The following STXBP3 variants were observed in gnomAD, a reference collection of about 807,000 sequenced individuals.
STXBP3 encodes the protein syntaxin binding protein 3, also known as syntaxin-binding protein 3.
STXBP3 carries 41 observed loss-of-function variants against 85.7 expected under a neutral mutation model. The ratio of observed to expected loss-of-function variants is 0.48; its 90% confidence interval spans 0.37 to 0.62. The LOEUF (loss-of-function observed/expected upper bound fraction) is 0.62. STXBP3 is among the 20% of genes least tolerant of loss of function. The pLI is 0.00. For synonymous variants in STXBP3, 229 were observed against 231.7 expected (o/e 0.99, Z 0.10); for missense variants, 563 against 703.1 (o/e 0.80, Z 2.25).
At position 108,808,771 on chromosome 1, in the gene STXBP3, T is replaced by C; in HGVS notation, c.1685-12T>C. 6.2e-7 allele frequency: 1 copy of C among 1,606,226 alleles called. No individual in the cohort carries two copies. Among genetic ancestry groups the C allele is most frequent in the Non-Finnish European group, 8.5e-7 (1 of 1,174,866 alleles). On this transcript the variant is annotated splice_polypyrimidine_tract_variant and intron_variant, in intron 18 of 18. Coordinates refer to ENST00000370008, the MANE Select transcript of STXBP3 (RefSeq NM_007269.4). ...CTGCTGGCCTCTGAAAAATTCTCTT[T>C]TCTCCTACCAGGTTCTACACATGTT...
chr1:108,807,766 AG>A (rs1663374201), intron 18 of STXBP3, among the ~76,000 whole-genome samples: 1 of 151,936 alleles, frequency 6.6e-6, no homozygotes, highest in African/African-American at 2.4e-5. Flanking sequence ...TAGTAGAGAC[AG>A]GGTTTCACCA....
intron 17 of STXBP3, among the ~76,000 whole-genome samples, chr1:108,805,284 G>C (rs61797351): frequency 0.044 from 6,745 of 152,122 alleles, 209 homozygotes; most frequent in Admixed American, 0.069. Flanking sequence ...GAACAAGAGT[G>C]GGTCTTGTTC....
chr1:108,780,321 G>A (rs980837635), intron 9 of STXBP3: 1 of 151,830 alleles, frequency 6.6e-6, no homozygotes, highest in Non-Finnish European at 1.5e-5. Context: ...AGATAACATA[G>A]CTATTTTTCT....
intron 11 of STXBP3, among the ~76,000 whole-genome samples, chr1:108,793,117 C>T (rs1663011477): frequency 7.0e-6 from 1 of 143,736 alleles, no homozygotes; most frequent in Admixed American, 7.3e-5. Context: ...TAGCACTCTG[C>T]TTCCCAAAAT....
chr1:108,793,770 C>A, intron 12 of STXBP3, 123 bp downstream of exon 12: 1 of 714,868 alleles, frequency 1.4e-6, no homozygotes. Flanking sequence ...TCCTCTAAAA[C>A]CTTACTATAG....
Position 108,781,587 on chromosome 1 carries a change from C to G in STXBP3, c.810-835C>G, listed in dbSNP as rs550078462. The G allele has an allele frequency of 4.6e-5, 7 of 152,112 alleles. No homozygotes were observed. The East Asian group carries it at 1.4e-3, about 29-fold the overall frequency. 9.4% of individuals were successfully genotyped at this position (152,112 alleles called of 1,614,324 possible). Reference sequence around the variant, plus strand: ...TTTTAATCTCATTTTCTTTCTCATTCTGTAAAGGAGATGTGGTTATAGGGT... The same window carrying G: ...TTTTAATCTCATTTTCTTTCTCATTGTGTAAAGGAGATGTGGTTATAGGGT... On this transcript the variant is annotated intron_variant, in intron 9 of 18. Coordinates refer to ENST00000370008, the MANE Select transcript of STXBP3 (RefSeq NM_007269.4).
rs982972447 is a variant in STXBP3 at position 108,746,730 on chromosome 1, T to G, written c.-8T>G. ...AGGTGGTGGCTGCTGCTCCGCAGTG[T>G]CGGGAAGATGGCGCCGCCGGTGGCA... On this transcript the variant is annotated 5_prime_UTR_variant, in exon 1 of 19. Transcript: ENST00000370008. 6.5e-7 allele frequency: 1 copy of G among 1,549,086 alleles called. No individual in the cohort carries two copies. Among genetic ancestry groups the G allele is most frequent in the Non-Finnish European group, 8.7e-7 (1 of 1,145,960 alleles).
intron 6 of STXBP3, among the ~76,000 whole-genome samples, chr1:108,766,165 C>CT (rs1166709005): frequency 2.7e-5 from 4 of 150,902 alleles, no homozygotes; most frequent in Non-Finnish European, 5.9e-5. Flanking sequence ...ATTTTAATAG[C>CT]TTTTTTTTAA....
chr1:108,746,910 C>G (rs1017259013), intron 1 of STXBP3, 124 bp downstream of exon 1: 4 of 955,526 alleles, frequency 4.2e-6, no homozygotes, highest in African/African-American at 1.7e-5. Context: ...TGCTTTGGGA[C>G]CTGTGTGAGG....
rs1274580181 is a variant in STXBP3, at chr1:108,756,703, T to C, written c.195T>C (p.Ile65=). Residue 65 remains isoleucine, a synonymous_variant, in exon 4 of 19, where the codon ATT becomes ATC. Transcript: ENST00000370008. ...TTTTCTTGTTAGTTGTAGAGAATAT[T>C]TATAAGAACCGTGAACCTGTCAGAC... ...LEEGITVVEN[I]YKNREPVRQM... 3.2e-6 allele frequency: 5 copies of C among 1,577,190 alleles called. No homozygotes were observed. The highest frequency in any genetic ancestry group is 4.3e-6 in the Non-Finnish European group (5 of 1,160,214).
At chr1:108,760,153 A>T (rs1662106665) in intron 6 of STXBP3, 68 bp downstream of exon 6, 4 of 848,194 alleles carry the variant, frequency 4.7e-6, no homozygotes, top group Admixed American at 5.7e-5. Flanking sequence ...TATTGTTAAT[A>T]AAGTATATTC....
At chr1:108,760,172 T>A (rs951506721) in intron 6 of STXBP3, 87 bp downstream of exon 6, 2 of 708,910 alleles carry the variant, frequency 2.8e-6, no homozygotes, top group South Asian at 4.6e-5. Flanking sequence ...TCTGAAGATA[T>A]TTTTTATATG....
intron 7 of STXBP3, among the ~76,000 whole-genome samples, chr1:108,773,865 T>C (rs992602649): frequency 2.6e-5 from 4 of 151,946 alleles, no homozygotes; most frequent in African/African-American, 9.7e-5. Context: ...TATATCGAGA[T>C]GACGAACAAA....
intron 6 of STXBP3, chr1:108,767,522 A>C: frequency 5.6e-6 from 1 of 178,058 alleles, no homozygotes. Context: ...TGCTTGTCAC[A>C]CCTGTGTTGA....
At chr1:108,769,812 A>G (rs1419527521) in intron 6 of STXBP3, among the ~76,000 whole-genome samples, 3 of 152,222 alleles carry the variant, frequency 2.0e-5, no homozygotes, top group Non-Finnish European at 4.4e-5. Context: ...CATTACTACA[A>G]CAAAGGTTTA....
intron 2 of STXBP3, 77 bp from the exon 3 acceptor site, chr1:108,752,986 T>G: frequency 8.8e-7 from 1 of 1,142,428 alleles, no homozygotes; most frequent in Non-Finnish European, 1.2e-6. Flanking sequence ...GCTTATAAAG[T>G]TTAATGGATA....
chr1:108,797,404 T>C (rs1570772889), intron 15 of STXBP3, among the ~76,000 whole-genome samples: 1 of 147,284 alleles, frequency 6.8e-6, no homozygotes, highest in Admixed American at 6.8e-5. Flanking sequence ...AGAATCTCAC[T>C]CTTTCCCATC....
At chr1:108,793,855 A>G (rs973992180) in intron 12 of STXBP3, among the ~76,000 whole-genome samples, 17 of 151,558 alleles carry the variant, frequency 1.1e-4, no homozygotes, top group Non-Finnish European at 2.1e-4. Context: ...ATCTGAATCC[A>G]GCTTAAAGTT....
intron 17 of STXBP3, among the ~76,000 whole-genome samples, chr1:108,805,889 T>C (rs1194437466): frequency 6.6e-6 from 1 of 152,114 alleles, no homozygotes; most frequent in African/African-American, 2.4e-5. Flanking sequence ...CTAGGCAACA[T>C]AGCAAGACCC....
Sources: allele counts gnomAD v4.1 joint callset (sites outside exome capture counted in the v4.1 genomes callset), GRCh38; gene constraint gnomAD v4.1.1; transcripts MANE v1.5; gene names NCBI Gene and HGNC (gene_info 2026-07-23, HGNC 2026-07-21).